Variants in PRUNE2 observed in about 807,000 individuals in gnomAD.
The protein encoded by PRUNE2 is prune homolog 2 with BCH domain.
A neutral mutation model predicts 252.0 loss-of-function variants in PRUNE2; 164 were observed. The observed-to-expected ratio is 0.65, with a 90% confidence interval of 0.57 to 0.74. The LOEUF is 0.74. Ranked by LOEUF, PRUNE2 falls within the 30% of genes least tolerant of loss-of-function variation. The pLI, the probability that PRUNE2 is intolerant of heterozygous loss-of-function variation, is 0.00. For synonymous variants in PRUNE2, 1,292 were observed against 1,350.2 expected (o/e 0.96, Z 0.94); for missense variants, 3,495 against 3,711.0 (o/e 0.94, Z 1.51).
intron 1 of PRUNE2, among the ~76,000 whole-genome samples, chr9:76,899,200 G>A (rs545919957): frequency 2.0e-5 from 3 of 152,300 alleles, no homozygotes; most frequent in Non-Finnish European, 2.9e-5. Flanking sequence ...AGAACCTACG[G>A]TTCCAATGGT....
At position 76,705,336 on chromosome 9, in the gene PRUNE2, G is replaced by A. The variant is rs570247552; in HGVS notation, c.6938C>T (p.Thr2313Met). The change falls in exon 8 of 19, where the codon ACG becomes ATG. Residue 2313 changes from threonine (T) to methionine (M), a missense_variant. By Grantham distance (81) the Thr-to-Met change is moderately conservative. Transcript: ENST00000376718. ...TTTACTCATGTCATCTATTGTTCCC[G>A]TGGATGTGTTGAGACCTGAGGCATC... ...FSDASGLNTS[T>M]GTIDDMSKLT... 9 of 1,613,868 alleles carry A rather than the reference G, an allele frequency of 5.6e-6. No individual in the cohort carries two copies. Among genetic ancestry groups the A allele is most frequent in the East Asian group, 2.2e-5 (1 of 44,898 alleles).
At chr9:76,623,593 G>A (rs1277391482) in intron 17 of PRUNE2, among the ~76,000 whole-genome samples, 1 of 152,040 alleles carries the variant, frequency 6.6e-6, no homozygotes, top group Admixed American at 6.6e-5. Flanking sequence ...CTATTGGTTG[G>A]GCTATTTTAC....
chr9:76,781,138 T>C (rs1333060168), intron 6 of PRUNE2, among the ~76,000 whole-genome samples: 1 of 152,228 alleles, frequency 6.6e-6, no homozygotes, highest in African/African-American at 2.4e-5. Flanking sequence ...CTTCAAACCA[T>C]GGTCACCTCT....
At chr9:76,810,619 T>C (rs2057293853) in intron 6 of PRUNE2, among the ~76,000 whole-genome samples, 1 of 152,248 alleles carries the variant, frequency 6.6e-6, no homozygotes, top group African/African-American at 2.4e-5. Flanking sequence ...TCATGTCAAT[T>C]AAGCAACAGT....
chr9:76,899,688 A>C (rs2063053881), intron 1 of PRUNE2, among the ~76,000 whole-genome samples: 1 of 152,238 alleles, frequency 6.6e-6, no homozygotes, highest in African/African-American at 2.4e-5. Flanking sequence ...TACTCTCACC[A>C]AACTGGCATT....
At chr9:76,703,281 AG>A in intron 9 of PRUNE2, 55 bp downstream of exon 9, 1 of 1,467,906 alleles carries the variant, frequency 6.8e-7, no homozygotes. Flanking sequence ...ACCATTTCCC[AG>A]GTTTCTAAAT....
intron 18 of PRUNE2, chr9:76,615,224 C>T (rs1476907350): frequency 1.0e-6 from 1 of 985,296 alleles, no homozygotes; most frequent in Non-Finnish European, 1.2e-6. Context: ...TCTTAGTGAA[C>T]ACAGCACAAC....
Position 76,706,720 on chromosome 9 carries a change from T to G in PRUNE2, c.5554A>C (p.Ser1852Arg). The change falls in exon 8 of 19, where the codon AGT becomes CGT. Residue 1852 changes from serine to arginine, a missense_variant. Physicochemically the swap from Ser to Arg is moderately radical, Grantham distance 110. Transcript: ENST00000376718. ...SPFERELSDS[S>R]GVLEINSSVH... is the part of the protein sequence containing the mutation. ...GAAGAATTTATCTCCAACACACCAC[T>G]GGAGTCAGACAGCTCCCTTTCAAAT... 6.2e-7 allele frequency: 1 copy of G among 1,613,296 alleles called. No individual in the cohort carries two copies. Among genetic ancestry groups the G allele is most frequent in the Non-Finnish European group, 8.5e-7 (1 of 1,179,582 alleles).
chr9:76,850,377 C>A, intron 3 of PRUNE2, 86 bp downstream of exon 3: 1 of 1,081,336 alleles, frequency 9.2e-7, no homozygotes, highest in Non-Finnish European at 1.4e-6. Flanking sequence ...TCTGCCTAAA[C>A]CACAAAAGTC....
chr9:76,713,994 T>C (rs2046941471), intron 6 of PRUNE2, among the ~76,000 whole-genome samples: 1 of 152,198 alleles, frequency 6.6e-6, no homozygotes, highest in African/African-American at 2.4e-5. Context: ...AACATTTTTT[T>C]CTAAAATATT....
At chr9:76,669,714 T>C (rs540909273) in intron 9 of PRUNE2, among the ~76,000 whole-genome samples, 1 of 152,304 alleles carries the variant, frequency 6.6e-6, no homozygotes, top group Admixed American at 6.5e-5. Flanking sequence ...CCAGTCTTCC[T>C]TGTGGAAGGA....
intron 9 of PRUNE2, among the ~76,000 whole-genome samples, chr9:76,669,233 TC>T (rs1029872044): frequency 1.3e-5 from 2 of 152,020 alleles, no homozygotes; most frequent in African/African-American, 4.8e-5. Context: ...ACCTTGTCCC[TC>T]CACACAGTGA....
At chr9:76,818,976 C>T (rs182806956) in intron 6 of PRUNE2, among the ~76,000 whole-genome samples, 32 of 152,216 alleles carry the variant, frequency 2.1e-4, no homozygotes, top group African/African-American at 7.0e-4. Flanking sequence ...TGAGGCCAGG[C>T]GCCATGGCTC....
rs1337860811 is a variant in PRUNE2, at chr9:76,707,799, C to T, written c.4475G>A (p.Gly1492Glu). 6.2e-7 allele frequency: 1 copy of T among 1,613,402 alleles called. No homozygotes were observed. Among genetic ancestry groups the T allele is most frequent in the Non-Finnish European group, 8.5e-7 (1 of 1,179,632 alleles). Residue 1492 changes from glycine to glutamate, a missense_variant, in exon 8 of 19, where the codon GGG becomes GAG. Transcript: ENST00000376718. Reference sequence around the variant, plus strand: ...CACATCACTGTCTATAGGGACGTCCCCAAAATCAAGACTTCGGGGAACTCT... The same window carrying T: ...CACATCACTGTCTATAGGGACGTCCTCAAAATCAAGACTTCGGGGAACTCT... ...PHRVPRSLDF[G>E]DVPIDSDVHV... is the part of the protein sequence containing the mutation.
intron 1 of PRUNE2, among the ~76,000 whole-genome samples, chr9:76,879,294 C>T (rs1000859431): frequency 3.3e-5 from 5 of 152,280 alleles, no homozygotes; most frequent in Non-Finnish European, 7.4e-5. Flanking sequence ...CATTGCATAT[C>T]TTATGTAATA....
At chr9:76,635,721 A>G (rs1447102638) in intron 15 of PRUNE2, among the ~76,000 whole-genome samples, 1 of 152,238 alleles carries the variant, frequency 6.6e-6, no homozygotes, top group Non-Finnish European at 1.5e-5. Context: ...AAATTCATTA[A>G]TAACTTTGAG....
chr9:76,718,857 C>T (rs978591441), intron 6 of PRUNE2, among the ~76,000 whole-genome samples: 1 of 152,190 alleles, frequency 6.6e-6, no homozygotes, highest in Non-Finnish European at 1.5e-5. Context: ...AATGGCACCA[C>T]CGTCTACCCA....
At chr9:76,845,754 C>T (rs2059637995) in intron 4 of PRUNE2, among the ~76,000 whole-genome samples, 1 of 152,180 alleles carries the variant, frequency 6.6e-6, no homozygotes, top group Non-Finnish European at 1.5e-5. Context: ...TCTCTGTCTA[C>T]CGTGTTCAAA....
At chr9:76,642,001 T>TAAAAA (rs369258212) in intron 12 of PRUNE2, 72 of 1,011,092 alleles carry the variant, frequency 7.1e-5, no homozygotes, top group East Asian at 2.2e-4. Flanking sequence ...ATAAGAGAAG[T>TAAAAA]AAAAAAAAAA....
Sources: gnomAD v4.1 joint callset for allele counts (sites outside exome capture counted in the v4.1 genomes callset) on GRCh38, gnomAD v4.1.1 for gene constraint, MANE v1.5 for transcripts, NCBI Gene and HGNC (gene_info 2026-07-23, HGNC 2026-07-21) for gene names.